The following COL27A1 variants were observed in gnomAD, a reference collection of about 807,000 sequenced individuals.
The protein encoded by COL27A1 is collagen alpha-1(XXVII) chain.
Under a neutral mutation model 251.3 loss-of-function variants are expected in COL27A1, and 106 were observed. The observed-to-expected ratio is 0.42, with a 90% CI of 0.36 to 0.50. The LOEUF (loss-of-function observed/expected upper bound fraction) is 0.50. COL27A1 is among the 20% of genes least tolerant of loss of function. The pLI, the probability that COL27A1 is intolerant of heterozygous loss-of-function variation, is 0.00. For synonymous variants in COL27A1, 1,000 were observed against 986.3 expected (o/e 1.01, Z -0.26); for missense variants, 2,325 against 2,522.8 (o/e 0.92, Z 1.68).
chr9:114,245,983 A>G (rs1358470934), intron 24 of COL27A1, 73 bp downstream of exon 24: 1 of 1,338,180 alleles, frequency 7.5e-7, no homozygotes, highest in Non-Finnish European at 1.1e-6. Context: ...CCCTTTGCCC[A>G]GCACCCTCCA....
At chr9:114,213,685 C>T (rs189105043) in intron 12 of COL27A1, among the ~76,000 whole-genome samples, 153 of 152,280 alleles carry the variant, frequency 1.0e-3, no homozygotes, top group African/African-American at 3.5e-3. Context: ...TTGAGGCCCT[C>T]GGTGTGCATA....
chr9:114,253,729 G>C (rs1377751653), intron 27 of COL27A1, among the ~76,000 whole-genome samples: 1 of 152,254 alleles, frequency 6.6e-6, no homozygotes, highest in Non-Finnish European at 1.5e-5. Flanking sequence ...GGTCAGGATA[G>C]TGTGATCGTG....
intron 17 of COL27A1, among the ~76,000 whole-genome samples, chr9:114,236,087 G>T (rs1033666662): frequency 6.6e-6 from 1 of 151,866 alleles, no homozygotes; most frequent in East Asian, 1.9e-4. Flanking sequence ...CCTGCCGTGG[G>T]CCTCTGTACA....
intron 57 of COL27A1, 162 bp from the exon 58 acceptor site, chr9:114,306,358 G>A (rs890030207): frequency 6.9e-5 from 45 of 656,142 alleles, no homozygotes; most frequent in Middle Eastern, 4.2e-4. Flanking sequence ...TCCCTGGCCC[G>A]TTTTCTTGTC....
Position 114,310,819 on chromosome 9 carries a change from C to T in COL27A1, c.*124C>T. 5 of 967,430 alleles carry T rather than the reference C, an allele frequency of 5.2e-6. No individual in the cohort carries two copies. Among genetic ancestry groups the T allele is most frequent in the Non-Finnish European group, 7.6e-6 (5 of 655,296 alleles). 59.9% of individuals were successfully genotyped at this position (967,430 alleles called of 1,614,324 possible). The stretch of plus-strand genomic sequence containing the variant: ...CCCTGCCCAAGGGTCCTTGGGCAGA[C>T]CCCAGCTGTTGTCTGCCCAGTAGAA... On this transcript the variant is annotated 3_prime_UTR_variant, in exon 61 of 61. Transcript: ENST00000356083.
At chr9:114,265,589 C>T (rs936422437) in intron 32 of COL27A1, 114 bp downstream of exon 32, 13 of 1,012,464 alleles carry the variant, frequency 1.3e-5, no homozygotes, top group Admixed American at 2.2e-5. Context: ...GCCTCTAACC[C>T]GCTGTGGGCC....
chr9:114,286,115 G>A (rs1249215549), intron 41 of COL27A1, among the ~76,000 whole-genome samples: 3 of 152,184 alleles, frequency 2.0e-5, no homozygotes, highest in African/African-American at 7.2e-5. Flanking sequence ...TGTGTTCCAG[G>A]CCCTGAGCTA....
At chr9:114,165,212 G>T (rs1848746382) in intron 2 of COL27A1, among the ~76,000 whole-genome samples, 1 of 152,156 alleles carries the variant, frequency 6.6e-6, no homozygotes, top group Admixed American at 6.5e-5. Flanking sequence ...TCTGACTCCA[G>T]AGTCTGCTAT....
rs138150737 is a variant in COL27A1 at position 114,280,271 on chromosome 9, G to A, written c.3718-2006G>A. 2.6e-3 allele frequency among the ~76,000 whole-genome samples: 400 copies of A among 151,816 alleles called. 1 individual carries two copies. Among genetic ancestry groups the A allele is most frequent in the Non-Finnish European group, 4.7e-3 (317 of 67,976 alleles). ...CTGTCGCCCAGGCTGGAGTGCGGTG[G>A]TGCTCACTGCAATCTCCACCTCCCA... On this transcript the variant is annotated intron_variant, in intron 37 of 60. Coordinates refer to ENST00000356083, the MANE Select transcript of COL27A1 (RefSeq NM_032888.4).
chr9:114,244,667 G>A (rs1436480017), intron 23 of COL27A1, among the ~76,000 whole-genome samples: 2 of 152,220 alleles, frequency 1.3e-5, no homozygotes, highest in African/African-American at 4.8e-5. Context: ...GGTCCAGGGA[G>A]GAGCCGAAGG....
chr9:114,217,207 C>T (rs1307185311), intron 12 of COL27A1, among the ~76,000 whole-genome samples: 1 of 152,188 alleles, frequency 6.6e-6, no homozygotes, highest in Admixed American at 6.5e-5. Flanking sequence ...CCTCCAGAAA[C>T]TGACTCAAAA....
chr9:114,197,030 T>G (rs1169511624), intron 7 of COL27A1, among the ~76,000 whole-genome samples: 1 of 152,220 alleles, frequency 6.6e-6, no homozygotes, highest in Non-Finnish European at 1.5e-5. Flanking sequence ...CTCTTCCTAC[T>G]GAGCCTAGCA....
intron 49 of COL27A1, among the ~76,000 whole-genome samples, chr9:114,299,859 A>G (rs776342244): frequency 6.6e-6 from 1 of 152,060 alleles, no homozygotes; most frequent in Admixed American, 6.5e-5. Flanking sequence ...CCTCTTTCTC[A>G]TCTGACGGAG....
intron 3 of COL27A1, among the ~76,000 whole-genome samples, chr9:114,173,593 C>T (rs1258949628): frequency 6.6e-6 from 1 of 152,144 alleles, no homozygotes; most frequent in Non-Finnish European, 1.5e-5. Flanking sequence ...GCTGTATGAC[C>T]TTTGGCAAAT....
At position 114,269,285 on chromosome 9, in the gene COL27A1, T is replaced by A. The variant is rs1834961296; in HGVS notation, c.3546T>A (p.Ile1182=). Reference sequence around the variant, plus strand: ...GCACTCCTGGGGAGCAGGGCCTCATTGGGCAACGGGTAAGTTGAAGCAATT... The same window carrying A: ...GCACTCCTGGGGAGCAGGGCCTCATAGGGCAACGGGTAAGTTGAAGCAATT... ...PLGTPGEQGL[I]GQRGEPGLEG... The change falls in exon 35 of 61, where the codon ATT becomes ATA. Residue 1182 remains isoleucine, a synonymous_variant. Coordinates refer to ENST00000356083, the MANE Select transcript of COL27A1 (RefSeq NM_032888.4). The A allele has an allele frequency of 6.2e-7, 1 of 1,608,996 alleles. No individual in the cohort carries two copies. The highest frequency in any genetic ancestry group is 2.3e-5 in the East Asian group (1 of 44,420).
intron 7 of COL27A1, 83 bp downstream of exon 7, chr9:114,196,095 C>A: frequency 1.7e-6 from 2 of 1,190,664 alleles, no homozygotes; most frequent in Non-Finnish European, 1.3e-6. Context: ...TGTGGGCCCA[C>A]CTGCCTCTCC....
chr9:114,216,550 G>A lies in COL27A1; in HGVS notation c.2368-3241G>A, dbSNP rs544221756. 3.9e-5 allele frequency among the ~76,000 whole-genome samples: 6 copies of A among 152,352 alleles called. No homozygotes were observed. The South Asian group carries it at 1.2e-3, about 32-fold the overall frequency. ...AGGGATGAGGCAAGGTAGTGGGTGA[G>A]GGGGTCTTGGGTGTGTTCTGGGCTG... On this transcript the variant is annotated intron_variant, in intron 12 of 60. Coordinates refer to ENST00000356083, the MANE Select transcript of COL27A1 (RefSeq NM_032888.4).
chr9:114,171,930 C>T (rs1287158897), intron 3 of COL27A1, among the ~76,000 whole-genome samples: 3 of 152,168 alleles, frequency 2.0e-5, no homozygotes, highest in East Asian at 1.9e-4. Context: ...TAAAGGACCC[C>T]GCCAAAGGCT....
Position 114,236,760 on chromosome 9 carries a change from G to A in COL27A1, c.2620-221G>A, listed in dbSNP as rs894758176. ...TCCCTGATTCTTCCTGGTGAGGACA[G>A]GGGCTGCTGTTTCATGTTAGCATTT... On this transcript the variant is annotated intron_variant, in intron 17 of 60. Transcript: ENST00000356083. Among the ~76,000 whole-genome samples, 128 of 152,196 alleles carry A rather than the reference G, an allele frequency of 8.4e-4. 1 individual carries two copies. Among genetic ancestry groups the A allele is most frequent in the Non-Finnish European group, 3.2e-4 (22 of 68,030 alleles).
Sources: allele counts gnomAD v4.1 joint callset (sites outside exome capture counted in the v4.1 genomes callset), GRCh38; gene constraint gnomAD v4.1.1; transcripts MANE v1.5; gene names NCBI Gene and HGNC (gene_info 2026-07-23, HGNC 2026-07-21).